The following TP53BP1 variants were observed in gnomAD, a reference collection of about 807,000 sequenced individuals.
TP53BP1 encodes TP53-binding protein 1.
TP53BP1 carries 61 observed loss-of-function variants against 200.8 expected under a neutral mutation model. The ratio of observed to expected loss-of-function variants is 0.30; its 90% CI spans 0.25 to 0.38. The LOEUF (loss-of-function observed/expected upper bound fraction) is 0.38. Ranked by LOEUF, TP53BP1 falls within the 10% of genes least tolerant of loss-of-function variation. TP53BP1 has a pLI of 1.00. For synonymous variants in TP53BP1, 822 were observed against 844.3 expected (o/e 0.97, Z 0.46); for missense variants, 2,144 against 2,371.9 (o/e 0.90, Z 2.00).
At chr15:43,419,276 C>T (rs1486195850) in intron 21 of TP53BP1, among the ~76,000 whole-genome samples, 1 of 152,200 alleles carries the variant, frequency 6.6e-6, no homozygotes, top group East Asian at 1.9e-4. Flanking sequence ...TGAAGATTAA[C>T]ATCCTGCATC....
rs563553198 is a variant in TP53BP1 at position 43,444,927 on chromosome 15, T to A, written c.3040+1460A>T. 7.9e-5 allele frequency among the ~76,000 whole-genome samples: 12 copies of A among 151,754 alleles called. No individual in the cohort carries two copies. The East Asian group carries it at 2.3e-3, about 29-fold the overall frequency. ...ACCCATTTATGCTGGAGGTTGCAAA[T>A]TTTTTTTTGTGAAAAATCAGACCTT... On this transcript the variant is annotated intron_variant, in intron 14 of 27. Transcript: ENST00000382044.
At chr15:43,509,576 T>G (rs541458053) in intron 1 of TP53BP1, among the ~76,000 whole-genome samples, 23 of 152,240 alleles carry the variant, frequency 1.5e-4, no homozygotes, top group African/African-American at 5.1e-4. Flanking sequence ...GCCCAGCTAA[T>G]TTTTGTATTT....
intron 16 of TP53BP1, among the ~76,000 whole-genome samples, chr15:43,435,887 C>T (rs996694207): frequency 1.3e-5 from 2 of 151,874 alleles, no homozygotes; most frequent in Admixed American, 6.6e-5. Flanking sequence ...GTAGAGACAG[C>T]GTTTTACCAT....
intron 5 of TP53BP1, 116 bp from the exon 6 acceptor site, chr15:43,480,133 C>T: frequency 2.2e-6 from 2 of 895,922 alleles, no homozygotes; most frequent in Non-Finnish European, 3.3e-6. Flanking sequence ...GCCCTGTGCA[C>T]CCCCCAAATT....
intron 4 of TP53BP1, among the ~76,000 whole-genome samples, chr15:43,481,399 C>CAT (rs937016006): frequency 6.6e-6 from 1 of 150,932 alleles, no homozygotes; most frequent in Admixed American, 6.6e-5. Context: ...TCTTAAAATA[C>CAT]ATATATAGAA....
intron 4 of TP53BP1, among the ~76,000 whole-genome samples, chr15:43,488,194 G>A (rs567043912): frequency 1.3e-5 from 2 of 151,926 alleles, no homozygotes; most frequent in Admixed American, 6.6e-5. Context: ...AGCTACTTGC[G>A]AGGCTGAGAT....
chr15:43,480,064 G>A, intron 5 of TP53BP1, 47 bp from the exon 6 acceptor site: 1 of 1,569,548 alleles, frequency 6.4e-7, no homozygotes, highest in Non-Finnish European at 8.7e-7. Flanking sequence ...ACAACATTAT[G>A]CAATGTACAA....
intron 4 of TP53BP1, among the ~76,000 whole-genome samples, chr15:43,486,174 C>G (rs1375437543): frequency 6.6e-6 from 1 of 151,810 alleles, no homozygotes; most frequent in Non-Finnish European, 1.5e-5. Context: ...GTCGGGAGTT[C>G]AAGACCAGCC....
chr15:43,422,205 A>C, intron 18 of TP53BP1, 79 bp from the exon 19 acceptor site: 1 of 1,455,576 alleles, frequency 6.9e-7, no homozygotes, highest in Non-Finnish European at 9.3e-7. Context: ...AAAATCCTAC[A>C]GATGGCACAA....
chr15:43,454,958 G>C (rs1566944031), intron 12 of TP53BP1, among the ~76,000 whole-genome samples: 1 of 151,980 alleles, frequency 6.6e-6, no homozygotes, highest in African/African-American at 2.4e-5. Flanking sequence ...TCAAACTCCT[G>C]AGCTCAGGCA....
chr15:43,415,886 C>G, intron 22 of TP53BP1, 77 bp from the exon 23 acceptor site: 1 of 1,180,474 alleles, frequency 8.5e-7, no homozygotes, highest in South Asian at 1.4e-5. Context: ...TGGGCAGACC[C>G]TGATTCAGAC....
intron 11 of TP53BP1, among the ~76,000 whole-genome samples, chr15:43,469,294 A>G (rs2046664198): frequency 6.6e-6 from 1 of 152,256 alleles, no homozygotes; most frequent in South Asian, 2.1e-4. Flanking sequence ...CCCTAAGTAT[A>G]GGATGATCCT....
intron 21 of TP53BP1, among the ~76,000 whole-genome samples, chr15:43,419,221 C>A (rs1345278062): frequency 4.0e-5 from 6 of 151,650 alleles, no homozygotes; most frequent in Admixed American, 3.9e-4. Flanking sequence ...GAGACTGTTT[C>A]AAAAAAAAGT....
intron 4 of TP53BP1, among the ~76,000 whole-genome samples, chr15:43,491,091 T>G (rs533137527): frequency 1.3e-5 from 2 of 151,838 alleles, no homozygotes; most frequent in African/African-American, 4.8e-5. Context: ...TTTTTTTTTT[T>G]GCTGAGACGG....
chr15:43,411,822 T>C (rs1027474652), intron 24 of TP53BP1, among the ~76,000 whole-genome samples: 1 of 152,222 alleles, frequency 6.6e-6, no homozygotes, highest in Admixed American at 6.5e-5. Context: ...CTGCATCTCA[T>C]ACCAGTCAGC....
At chr15:43,409,129 G>A (rs1239268086) in intron 25 of TP53BP1, 33 bp from the exon 26 acceptor site, 3 of 1,603,750 alleles carry the variant, frequency 1.9e-6, no homozygotes, top group East Asian at 2.2e-5. Flanking sequence ...AATGGGTTTG[G>A]TGACTTCTGT....
intron 18 of TP53BP1, 46 bp downstream of exon 18, chr15:43,427,970 A>AG (rs776929068): frequency 2.2e-5 from 31 of 1,407,248 alleles, no homozygotes; most frequent in Admixed American, 8.9e-5. Context: ...AAAAAAAAAA[A>AG]AAAGAAAGAA....
rs552259018 is a variant in TP53BP1 at position 43,413,095 on chromosome 15, T to A, written c.5305+24A>T. 1.3e-5 allele frequency: 21 copies of A among 1,611,660 alleles called. No individual in the cohort carries two copies. In the Admixed American group the frequency reaches 2.7e-4, roughly 20 times the overall value. ...GAAAGAAGTGCCTATGTGTCAGAGC[T>A]CCCAGGGCTTCCTAAGGCCTTACCC... is the stretch of plus-strand genomic sequence containing the variant. On this transcript the variant is annotated intron_variant, in intron 24 of 27. Coordinates refer to ENST00000382044, the MANE Select transcript of TP53BP1 (RefSeq NM_001141980.3).
chr15:43,476,579 G>A (rs1382142389), intron 8 of TP53BP1, among the ~76,000 whole-genome samples: 6 of 152,162 alleles, frequency 3.9e-5, no homozygotes, highest in Admixed American at 2.6e-4. Flanking sequence ...GCAATAGATG[G>A]AGTATCAACT....
Sources: allele counts gnomAD v4.1 joint callset (sites outside exome capture counted in the v4.1 genomes callset), GRCh38; gene constraint gnomAD v4.1.1; transcripts MANE v1.5; gene names NCBI Gene and HGNC (gene_info 2026-07-23, HGNC 2026-07-21).